The following KLHL2 variants were observed in gnomAD, a reference collection of about 807,000 sequenced individuals.
The protein encoded by KLHL2 is kelch like family member 2, also known as kelch-like protein 2.
A neutral mutation model predicts 75.8 loss-of-function variants in KLHL2; 15 were observed. That is an observed-to-expected ratio of 0.20 (90% CI 0.13 to 0.30). The LOEUF (loss-of-function observed/expected upper bound fraction) is 0.30. Among genes scored for constraint, KLHL2 ranks in the 10% least tolerant of loss-of-function variants. The pLI is 1.00. For missense variants in KLHL2, 381 were observed against 741.0 expected, an observed-to-expected ratio of 0.51 and a Z score of 5.64; for synonymous variants, 214 against 251.9, an observed-to-expected ratio of 0.85 and a Z score of 1.42.
intron 8 of KLHL2, among the ~76,000 whole-genome samples, chr4:165,303,494 G>GCTCCCCCC (rs1553963727): frequency 8.8e-6 from 1 of 113,294 alleles, no homozygotes; most frequent in Non-Finnish European, 2.2e-5. Context: ...TTACAACCTT[G>GCTCCCCCC]CCCCCCCCGC....
chr4:165,298,025 G>C (rs1466663350), intron 7 of KLHL2, among the ~76,000 whole-genome samples: 1 of 152,176 alleles, frequency 6.6e-6, no homozygotes, highest in African/African-American at 2.4e-5. Flanking sequence ...GTTTTGCCCT[G>C]TTGGCCAGGC....
At chr4:165,266,386 G>A (rs540966034) in intron 5 of KLHL2, among the ~76,000 whole-genome samples, 1 of 152,280 alleles carries the variant, frequency 6.6e-6, no homozygotes, top group East Asian at 1.9e-4. Context: ...TAGTCATGAT[G>A]TCTTTGCCCA....
chr4:165,317,776 A>G, intron 13 of KLHL2, 50 bp from the exon 14 acceptor site: 10 of 1,467,608 alleles, frequency 6.8e-6, no homozygotes, highest in Non-Finnish European at 9.5e-6. Context: ...TGATACTCAT[A>G]TTCATCCCAA....
Position 165,213,722 on chromosome 4 carries a change from C to T in KLHL2, c.26+5820C>T, listed in dbSNP as rs867318612. On this transcript the variant is annotated intron_variant, in intron 1 of 14. Coordinates refer to ENST00000226725, the MANE Select transcript of KLHL2 (RefSeq NM_007246.4). Reference sequence around the variant, plus strand: ...CTTACCCTTCTTAGTACATGGCATGCAGTGGGCATCTAGGCAGCACTTAAA... The same window carrying T: ...CTTACCCTTCTTAGTACATGGCATGTAGTGGGCATCTAGGCAGCACTTAAA... Among the ~76,000 whole-genome samples, 3 of 152,176 alleles carry T rather than the reference C, an allele frequency of 2.0e-5. No homozygotes were observed. The South Asian group carries it at 6.2e-4, about 32-fold the overall frequency.
At chr4:165,278,375 A>T in intron 5 of KLHL2, 2 of 1,333,826 alleles carry the variant, frequency 1.5e-6, no homozygotes. Flanking sequence ...TCCTCCATCA[A>T]CCTGCAAATG....
intron 11 of KLHL2, among the ~76,000 whole-genome samples, chr4:165,312,602 A>G (rs191925744): frequency 2.0e-5 from 3 of 152,228 alleles, no homozygotes; most frequent in Admixed American, 2.0e-4. Context: ...ATTTTAAAAC[A>G]TTTTTATTAT....
chr4:165,262,663 C>T (rs1017907317), intron 4 of KLHL2, among the ~76,000 whole-genome samples: 2 of 152,112 alleles, frequency 1.3e-5, no homozygotes, highest in African/African-American at 2.4e-5. Context: ...ACTACAGCCT[C>T]GACCTCTCAG....
chr4:165,210,028 G>C, intron 1 of KLHL2: 1 of 1,533,188 alleles, frequency 6.5e-7, no homozygotes, highest in Non-Finnish European at 8.8e-7. Flanking sequence ...CACTGCCAGA[G>C]CTGGGCTAGA....
At chr4:165,249,753 T>C (rs1279412532) in intron 4 of KLHL2, among the ~76,000 whole-genome samples, 3 of 152,174 alleles carry the variant, frequency 2.0e-5, no homozygotes, top group Non-Finnish European at 4.4e-5. Flanking sequence ...GAGGGCAGGG[T>C]GCCCTGGTAT....
intron 5 of KLHL2, among the ~76,000 whole-genome samples, chr4:165,286,354 G>T (rs893293946): frequency 1.3e-5 from 2 of 152,158 alleles, no homozygotes; most frequent in African/African-American, 4.8e-5. Context: ...ATTGGGGTTT[G>T]GGGGGAGAGG....
intron 5 of KLHL2, among the ~76,000 whole-genome samples, chr4:165,290,566 C>G (rs1744432815): frequency 6.6e-6 from 1 of 152,046 alleles, no homozygotes; most frequent in African/African-American, 2.4e-5. Flanking sequence ...AAGAAAACTT[C>G]CTTAGTGTAT....
intron 13 of KLHL2, among the ~76,000 whole-genome samples, chr4:165,317,365 CTT>C (rs34078288): frequency 6.3e-4 from 91 of 144,350 alleles, no homozygotes; most frequent in Non-Finnish European, 6.9e-4. Flanking sequence ...AGAAAGAATT[CTT>C]TTTTTTTTTT....
intron 2 of KLHL2, among the ~76,000 whole-genome samples, chr4:165,225,693 G>A (rs371335265): frequency 6.6e-6 from 1 of 152,174 alleles, no homozygotes; most frequent in Admixed American, 6.5e-5. Flanking sequence ...CAGACTCAGT[G>A]TACACACACT....
chr4:165,241,055 A>G (rs1236797785), intron 4 of KLHL2, among the ~76,000 whole-genome samples: 1 of 152,216 alleles, frequency 6.6e-6, no homozygotes, highest in Non-Finnish European at 1.5e-5. Context: ...GCAGGAATAC[A>G]TTCTAAGAGT....
chr4:165,310,467 G>T lies in KLHL2; in HGVS notation c.1040-86G>T, dbSNP rs533153972. The T allele has an allele frequency of 5.4e-6, 6 of 1,113,212 alleles. No homozygotes were observed. The South Asian group carries it at 7.5e-5, about 14-fold the overall frequency. 69.0% of individuals were successfully genotyped at this position (1,113,212 alleles called of 1,614,324 possible). A position where few individuals can be genotyped will look rare whatever the true frequency, so the allele number is the denominator to read the frequency against. ...CTAAGAGTAGCATGTTCTGACAACAGCTATAGATTTATCAGAAAGCAATCT... is the reference window on the plus strand; with the variant it reads ...CTAAGAGTAGCATGTTCTGACAACATCTATAGATTTATCAGAAAGCAATCT... On this transcript the variant is annotated intron_variant, in intron 9 of 14. Transcript: ENST00000226725.
chr4:165,256,426 G>A (rs1191207949), intron 4 of KLHL2, among the ~76,000 whole-genome samples: 1 of 152,170 alleles, frequency 6.6e-6, no homozygotes, highest in Non-Finnish European at 1.5e-5. Flanking sequence ...AACTGTTGCT[G>A]TTCACCGAAC....
intron 5 of KLHL2, chr4:165,279,762 C>G: frequency 1.2e-6 from 1 of 803,424 alleles, no homozygotes; most frequent in Non-Finnish European, 2.2e-6. Flanking sequence ...GCTGAACTAG[C>G]CTCACTTCTT....
At chr4:165,264,109 C>T (rs1001114819) in intron 5 of KLHL2, among the ~76,000 whole-genome samples, 7 of 151,818 alleles carry the variant, frequency 4.6e-5, no homozygotes, top group Non-Finnish European at 1.0e-4. Flanking sequence ...ACACATAGTT[C>T]ACAAATGTAA....
intron 11 of KLHL2, among the ~76,000 whole-genome samples, chr4:165,311,982 G>C (rs960700754): frequency 2.6e-5 from 4 of 152,098 alleles, no homozygotes. Flanking sequence ...GGGTGGGTTG[G>C]GGGGATGGTT....
Sources: allele counts gnomAD v4.1 joint callset (sites outside exome capture counted in the v4.1 genomes callset), GRCh38; gene constraint gnomAD v4.1.1; transcripts MANE v1.5; gene names NCBI Gene and HGNC (gene_info 2026-07-23, HGNC 2026-07-21).